The following CWC27 variants were observed in gnomAD, a reference collection of about 807,000 sequenced individuals.
CWC27 encodes the protein spliceosome-associated protein CWC27 homolog.
A neutral mutation model predicts 63.6 loss-of-function variants in CWC27; 47 were observed. That is an observed-to-expected ratio of 0.74 (90% CI 0.58 to 0.94). The LOEUF (loss-of-function observed/expected upper bound fraction) is 0.94, where lower values mean the gene tolerates loss of function less well. Among genes scored for constraint, CWC27 ranks in the 40% least tolerant of loss-of-function variants. The pLI is 0.00. For missense variants in CWC27, 495 were observed against 554.3 expected, an observed-to-expected ratio of 0.89 and a Z score of 1.07; for synonymous variants, 175 against 179.8, an observed-to-expected ratio of 0.97 and a Z score of 0.22.
chr5:64,789,297 C>T (rs538973269), intron 7 of CWC27, among the ~76,000 whole-genome samples: 1 of 152,040 alleles, frequency 6.6e-6, no homozygotes, highest in South Asian at 2.1e-4. Context: ...ATCCTAACTG[C>T]TATTTTTTCA....
intron 11 of CWC27, among the ~76,000 whole-genome samples, chr5:64,945,317 T>C (rs1748570831): frequency 6.6e-6 from 1 of 152,178 alleles, no homozygotes; most frequent in Non-Finnish European, 1.5e-5. Flanking sequence ...TTGTCCGTTT[T>C]CTTTATTGTT....
At chr5:64,835,975 A>C (rs2112271405) in intron 10 of CWC27, among the ~76,000 whole-genome samples, 1 of 152,014 alleles carries the variant, frequency 6.6e-6, no homozygotes, top group African/African-American at 2.4e-5. Context: ...TTGGTGATAA[A>C]ATGATTAGAC....
At chr5:64,824,698 C>T (rs1055562046) in intron 10 of CWC27, among the ~76,000 whole-genome samples, 13 of 149,606 alleles carry the variant, frequency 8.7e-5, no homozygotes, top group African/African-American at 2.9e-4. Context: ...CTAGAAGGCA[C>T]CCCCCAGGGG....
chr5:64,789,047 A>C (rs763157599), intron 7 of CWC27, 27 bp downstream of exon 7: 1 of 1,527,802 alleles, frequency 6.5e-7, no homozygotes, highest in Non-Finnish European at 9.0e-7. Flanking sequence ...CCTTTGTTCT[A>C]ACTTACAAAA....
intron 11 of CWC27, among the ~76,000 whole-genome samples, chr5:64,913,928 A>G (rs1223157494): frequency 6.6e-6 from 1 of 152,134 alleles, no homozygotes; most frequent in Non-Finnish European, 1.5e-5. Context: ...AGACTATTTT[A>G]TCTATCTAAT....
At chr5:64,900,855 G>T (rs955070045) in intron 11 of CWC27, among the ~76,000 whole-genome samples, 7 of 152,140 alleles carry the variant, frequency 4.6e-5, no homozygotes, top group Non-Finnish European at 7.4e-5. Flanking sequence ...AGATAGTATA[G>T]TTTACTATAC....
chr5:64,909,843 G>A (rs934679207), intron 11 of CWC27, among the ~76,000 whole-genome samples: 12 of 152,200 alleles, frequency 7.9e-5, no homozygotes, highest in African/African-American at 2.9e-4. Flanking sequence ...TTTTTTCAAG[G>A]TTTTTAGCTT....
In CWC27 at chr5:64,936,684, G is replaced by A. The variant is rs550854737; in HGVS notation, c.1043-35019G>A. On this transcript the variant is annotated intron_variant, in intron 11 of 13. Transcript: ENST00000381070. ...GTTTCAGAAGGAATGGTACCACCTC[G>A]TCTTTGTAGCTCTGGTAGAATTCGG... Among the ~76,000 whole-genome samples the A allele has an allele frequency of 1.2e-3, 190 of 152,166 alleles. 2 individuals carry two copies. Among genetic ancestry groups the A allele is most frequent in the Middle Eastern group, 3.4e-3 (1 of 294 alleles).
intron 13 of CWC27, among the ~76,000 whole-genome samples, chr5:64,983,103 G>T (rs190564356): frequency 2.6e-3 from 400 of 152,116 alleles, no homozygotes; most frequent in Non-Finnish European, 5.0e-3. Context: ...ACTGGTTCCT[G>T]GTGCCAAAAA....
chr5:64,815,295 G>A (rs562259553), intron 10 of CWC27, among the ~76,000 whole-genome samples: 33 of 152,210 alleles, frequency 2.2e-4, no homozygotes, highest in Admixed American at 9.8e-4. Flanking sequence ...CTGTGGATCT[G>A]CTCCACATCA....
At chr5:65,005,640 TC>T (rs1020909581) in intron 13 of CWC27, among the ~76,000 whole-genome samples, 1 of 152,178 alleles carries the variant, frequency 6.6e-6, no homozygotes, top group African/African-American at 2.4e-5. Flanking sequence ...TCTGATCCCC[TC>T]TTCCCTGGAC....
At chr5:64,829,075 G>T (rs1472347002) in intron 10 of CWC27, among the ~76,000 whole-genome samples, 1 of 152,086 alleles carries the variant, frequency 6.6e-6, no homozygotes, top group Non-Finnish European at 1.5e-5. Flanking sequence ...TAAAATTTCT[G>T]TATTTATTTG....
At chr5:64,879,581 G>A (rs1746887283) in intron 10 of CWC27, among the ~76,000 whole-genome samples, 1 of 151,824 alleles carries the variant, frequency 6.6e-6, no homozygotes, top group Non-Finnish European at 1.5e-5. Flanking sequence ...ATAGCAGAGG[G>A]GCAAAGTGGG....
chr5:64,822,745 T>A (rs1745240079), intron 10 of CWC27, among the ~76,000 whole-genome samples: 1 of 152,148 alleles, frequency 6.6e-6, no homozygotes. Context: ...CTAGAGTAAA[T>A]CAATTTGAAG....
chr5:64,782,449 A>AATAT (rs1359097982), intron 3 of CWC27, among the ~76,000 whole-genome samples: 1 of 147,752 alleles, frequency 6.8e-6, no homozygotes, highest in Non-Finnish European at 1.5e-5. Context: ...CTCCGTCTCA[A>AATAT]ATAAATAAAT....
At chr5:64,910,516 G>A (rs1747761801) in intron 11 of CWC27, among the ~76,000 whole-genome samples, 1 of 152,354 alleles carries the variant, frequency 6.6e-6, no homozygotes, top group East Asian at 1.9e-4. Flanking sequence ...GACTGCAGAA[G>A]TTTCTGCTGC....
intron 10 of CWC27, among the ~76,000 whole-genome samples, chr5:64,818,806 C>T (rs1159112479): frequency 6.6e-6 from 1 of 152,132 alleles, no homozygotes; most frequent in South Asian, 2.1e-4. Flanking sequence ...ATTCAACAGC[C>T]TTATTGTTTG....
chr5:64,918,499 C>A (rs1747934293), intron 11 of CWC27, among the ~76,000 whole-genome samples: 1 of 151,704 alleles, frequency 6.6e-6, no homozygotes, highest in African/African-American at 2.4e-5. Context: ...TTCAGCCATC[C>A]AATATATATT....
chr5:64,826,076 A>AATCTGTCTGTCTATCT (rs1554070973), intron 10 of CWC27, among the ~76,000 whole-genome samples: 46 of 148,436 alleles, frequency 3.1e-4, no homozygotes, highest in African/African-American at 1.1e-3. Flanking sequence ...CTTTGTAATA[A>AATCTGTCTGTCTATCT]ATCTATCTAT....
Sources: gnomAD v4.1 joint callset for allele counts (sites outside exome capture counted in the v4.1 genomes callset) on GRCh38, gnomAD v4.1.1 for gene constraint, MANE v1.5 for transcripts, NCBI Gene and HGNC (gene_info 2026-07-23, HGNC 2026-07-21) for gene names.